EPHA3: variants seen among roughly 807,000 people sequenced by gnomAD.
The protein encoded by EPHA3 is ephrin type-A receptor 3.
Under a neutral mutation model 107.1 loss-of-function variants are expected in EPHA3, and 42 were observed. The ratio of observed to expected loss-of-function variants is 0.39; its 90% confidence interval spans 0.31 to 0.51. EPHA3 has a LOEUF of 0.51. EPHA3 is among the 20% of genes least tolerant of loss of function. The probability of loss-of-function intolerance (pLI) is 0.78; values close to 1 mark genes in which losing one functional copy is unlikely to be tolerated. For synonymous variants in EPHA3, 461 were observed against 424.8 expected, an observed-to-expected ratio of 1.09 and a Z score of -1.05; for missense variants, 1,183 against 1,211.2, an observed-to-expected ratio of 0.98 and a Z score of 0.35.
At chr3:89,308,202 C>A (rs1434263739) in intron 3 of EPHA3, among the ~76,000 whole-genome samples, 1 of 151,908 alleles carries the variant, frequency 6.6e-6, no homozygotes, top group East Asian at 1.9e-4. Context: ...TTTCAAAGAA[C>A]AAACTGTAGA....
chr3:89,457,730 C>T (rs913725154), intron 15 of EPHA3, among the ~76,000 whole-genome samples: 1 of 152,130 alleles, frequency 6.6e-6, no homozygotes, highest in East Asian at 1.9e-4. Context: ...ATATGTTGCA[C>T]TGTGTTTAGG....
At chr3:89,159,257 A>C (rs193199583) in intron 2 of EPHA3, among the ~76,000 whole-genome samples, 2 of 152,154 alleles carry the variant, frequency 1.3e-5, no homozygotes, top group Non-Finnish European at 2.9e-5. Context: ...CCAAAATCAG[A>C]TGCATGTTTT....
At chr3:89,429,022 A>T in intron 11 of EPHA3, 84 bp from the exon 12 acceptor site, 1 of 862,104 alleles carries the variant, frequency 1.2e-6, no homozygotes. Flanking sequence ...TATAATCCTC[A>T]GGTAAATCCA....
chr3:89,308,181 TAA>T (rs1706671906), intron 3 of EPHA3, among the ~76,000 whole-genome samples: 1 of 152,104 alleles, frequency 6.6e-6, no homozygotes, highest in Non-Finnish European at 1.5e-5. Flanking sequence ...AAAATGGTAT[TAA>T]GTCTCCCTTT....
chr3:89,421,577 A>C (rs1191779277), intron 11 of EPHA3, among the ~76,000 whole-genome samples: 1 of 151,296 alleles, frequency 6.6e-6, no homozygotes, highest in Non-Finnish European at 1.5e-5. Flanking sequence ...AAGAGTCACT[A>C]TCACACAAAT....
intron 16 of EPHA3, 49 bp downstream of exon 16, chr3:89,472,668 T>G: frequency 6.6e-7 from 1 of 1,514,388 alleles, no homozygotes; most frequent in Non-Finnish European, 9.0e-7. Context: ...TTTTGAACTT[T>G]CTTGGCTTGA....
At chr3:89,298,688 A>G (rs1706417830) in intron 3 of EPHA3, among the ~76,000 whole-genome samples, 1 of 152,184 alleles carries the variant, frequency 6.6e-6, no homozygotes, top group South Asian at 2.1e-4. Flanking sequence ...TAAAAATTAT[A>G]CATTGGAGAT....
chr3:89,448,569 T>C (rs1280534147), intron 13 of EPHA3, among the ~76,000 whole-genome samples: 1 of 152,186 alleles, frequency 6.6e-6, no homozygotes, highest in Admixed American at 6.6e-5. Flanking sequence ...TCCTCTAAAT[T>C]ATAAGTTCTG....
intron 5 of EPHA3, among the ~76,000 whole-genome samples, chr3:89,386,402 G>A (rs1708623758): frequency 6.6e-6 from 1 of 152,158 alleles, no homozygotes; most frequent in Non-Finnish European, 1.5e-5. Flanking sequence ...AAGAGGCCAA[G>A]GTATAGCTTG....
At chr3:89,387,914 A>G (rs567377981) in intron 5 of EPHA3, among the ~76,000 whole-genome samples, 1 of 152,260 alleles carries the variant, frequency 6.6e-6, no homozygotes, top group African/African-American at 2.4e-5. Flanking sequence ...TTAAAATTCA[A>G]TGATTAAAAT....
Position 89,244,707 on chromosome 3 carries a change from A to G in EPHA3, c.814+34187A>G, listed in dbSNP as rs1324975722. Among the ~76,000 whole-genome samples, 3 of 152,324 alleles carry G rather than the reference A, an allele frequency of 2.0e-5. No individual in the cohort carries two copies. The East Asian group carries it at 5.8e-4, about 29-fold the overall frequency. On this transcript the variant is annotated intron_variant, in intron 3 of 16. Coordinates refer to ENST00000336596, the MANE Select transcript of EPHA3 (RefSeq NM_005233.6). ...TTATTTCAGCCACTGTGGTAGTAAT[A>G]CCAGTAATAGCGATGTGGATATGCA... is the stretch of plus-strand genomic sequence containing the variant.
intron 3 of EPHA3, among the ~76,000 whole-genome samples, chr3:89,234,847 TTC>T (rs1704718904): frequency 7.8e-6 from 1 of 128,588 alleles, no homozygotes; most frequent in African/African-American, 3.0e-5. Flanking sequence ...CTTTCCTTCC[TTC>T]CTTCCTCCCT....
At chr3:89,291,461 A>G (rs1438194979) in intron 3 of EPHA3, among the ~76,000 whole-genome samples, 1 of 152,160 alleles carries the variant, frequency 6.6e-6, no homozygotes, top group Non-Finnish European at 1.5e-5. Context: ...AAAGATAGAG[A>G]CAGATATATA....
chr3:89,438,188 A>C (rs6809881), intron 13 of EPHA3, among the ~76,000 whole-genome samples: 4,557 of 151,124 alleles, frequency 0.03, 237 homozygotes, highest in African/African-American at 0.1. Context: ...GGCTCACTGC[A>C]AGCTCTGCCT....
chr3:89,344,302 G>A (rs559794319), intron 5 of EPHA3, among the ~76,000 whole-genome samples: 160 of 152,242 alleles, frequency 1.1e-3, no homozygotes, highest in Non-Finnish European at 2.0e-3. Context: ...AAAAATAAAT[G>A]AGATTGATGC....
At chr3:89,156,293 G>T (rs532173950) in intron 2 of EPHA3, among the ~76,000 whole-genome samples, 20 of 152,082 alleles carry the variant, frequency 1.3e-4, no homozygotes, top group Admixed American at 1.2e-3. Context: ...CCTCACATCT[G>T]GTTTATTTGG....
intron 2 of EPHA3, among the ~76,000 whole-genome samples, chr3:89,145,764 T>G (rs1704542866): frequency 6.6e-6 from 1 of 151,742 alleles, no homozygotes; most frequent in African/African-American, 2.4e-5. Context: ...CCTGAGGAAT[T>G]TTTTTTTCTC....
chr3:89,233,824 G>A (rs1704691548), intron 3 of EPHA3, among the ~76,000 whole-genome samples: 1 of 152,166 alleles, frequency 6.6e-6, no homozygotes, highest in African/African-American at 2.4e-5. Context: ...TACTTTTGTA[G>A]GTCTATATAA....
intron 2 of EPHA3, among the ~76,000 whole-genome samples, chr3:89,151,919 C>G (rs1049192326): frequency 2.0e-5 from 3 of 152,032 alleles, no homozygotes; most frequent in African/African-American, 7.2e-5. Context: ...GATCCACTTA[C>G]CTTTACTCTT....
Sources: allele counts gnomAD v4.1 joint callset (sites outside exome capture counted in the v4.1 genomes callset), GRCh38; gene constraint gnomAD v4.1.1; transcripts MANE v1.5; gene names NCBI Gene and HGNC (gene_info 2026-07-23, HGNC 2026-07-21).